FSTL4: variants seen among roughly 807,000 people sequenced by gnomAD.
FSTL4 encodes the protein follistatin-related protein 4.
FSTL4 carries 28 observed loss-of-function variants against 78.2 expected under a neutral mutation model. That is an observed-to-expected ratio of 0.36 (90% confidence interval 0.27 to 0.49). FSTL4 has a LOEUF of 0.49. Ranked by LOEUF, FSTL4 falls within the 20% of genes least tolerant of loss-of-function variation. FSTL4 has a pLI of 0.98. For missense variants in FSTL4, 922 were observed against 1,084.9 expected (o/e 0.85, Z 2.11); for synonymous variants, 422 against 440.5 (o/e 0.96, Z 0.53).
At chr5:133,394,637 C>A (rs1158254559) in intron 4 of FSTL4, among the ~76,000 whole-genome samples, 1 of 152,194 alleles carries the variant, frequency 6.6e-6, no homozygotes, top group African/African-American at 2.4e-5. Flanking sequence ...AGCCTCCCCA[C>A]CACTGTGGGC....
chr5:133,346,577 T>C (rs1754701893), intron 4 of FSTL4, among the ~76,000 whole-genome samples: 1 of 152,184 alleles, frequency 6.6e-6, no homozygotes, highest in African/African-American at 2.4e-5. Context: ...TGTTCTGAAA[T>C]ATCAAGAGGA....
intron 4 of FSTL4, among the ~76,000 whole-genome samples, chr5:133,349,490 T>G (rs187021308): frequency 1.2e-4 from 18 of 152,008 alleles, no homozygotes; most frequent in Non-Finnish European, 2.7e-4. Context: ...TGCTGCCATG[T>G]GACTGTAAAG....
intron 1 of FSTL4, 112 bp from the exon 2 acceptor site, chr5:133,604,105 G>A: frequency 1.4e-6 from 1 of 736,620 alleles, no homozygotes; most frequent in Non-Finnish European, 2.3e-6. Context: ...TTTAAATCCT[G>A]GCACCAAACT....
chr5:133,346,592 C>T (rs1322000417), intron 4 of FSTL4, among the ~76,000 whole-genome samples: 1 of 152,066 alleles, frequency 6.6e-6, no homozygotes, highest in African/African-American at 2.4e-5. Flanking sequence ...AGAGGATACG[C>T]AACTATACAA....
At position 133,494,796 on chromosome 5, in the gene FSTL4, C is replaced by T. The variant is rs906857041; in HGVS notation, c.160+72390G>A. 3.9e-5 allele frequency among the ~76,000 whole-genome samples: 6 copies of T among 152,314 alleles called. No individual in the cohort carries two copies. The East Asian group carries it at 9.6e-4, about 24-fold the overall frequency. The stretch of plus-strand genomic sequence containing the variant: ...TGGCCCGGGTGTGCTGAGGAAACCC[C>T]GCTCCTGAGACTCTCACCTTGAGCA... On this transcript the variant is annotated intron_variant, in intron 3 of 15. Coordinates refer to ENST00000265342, the MANE Select transcript of FSTL4 (RefSeq NM_015082.2).
the FSTL4 span, among the ~76,000 whole-genome samples, chr5:133,835,763 T>A: frequency 6.6e-6 from 1 of 152,204 alleles, no homozygotes; most frequent in South Asian, 2.1e-4. Context: ...GAAAAAAATA[T>A]ATGGGAGAAA....
At chr5:133,739,174 A>G in the FSTL4 span, among the ~76,000 whole-genome samples, 1 of 152,120 alleles carries the variant, frequency 6.6e-6, no homozygotes, top group Non-Finnish European at 1.5e-5. Flanking sequence ...TCTCAATTAC[A>G]CAGAAATACT....
At chr5:133,743,438 A>G in the FSTL4 span, among the ~76,000 whole-genome samples, 7,075 of 152,312 alleles carry the variant, frequency 0.046, 240 homozygotes, top group Non-Finnish European at 0.071. Context: ...CAGGGGCTGA[A>G]CTGCTGGTTC....
intron 4 of FSTL4, among the ~76,000 whole-genome samples, chr5:133,319,517 G>A (rs888015740): frequency 1.3e-5 from 2 of 152,186 alleles, no homozygotes; most frequent in African/African-American, 4.8e-5. Context: ...AGGACTGCGC[G>A]TGCAGGAGCC....
chr5:133,574,692 G>A (rs561736647), intron 2 of FSTL4: 1 of 152,336 alleles, frequency 6.6e-6, no homozygotes, highest in Admixed American at 6.5e-5. Flanking sequence ...TCCACCAATG[G>A]TGGAACAGAT....
intron 3 of FSTL4, among the ~76,000 whole-genome samples, chr5:133,476,441 T>A (rs147346034): frequency 9.8e-5 from 15 of 152,306 alleles, no homozygotes; most frequent in African/African-American, 3.6e-4. Flanking sequence ...GTTATACCAA[T>A]GCTTTCATAG....
chr5:133,640,757 C>G, the FSTL4 span, among the ~76,000 whole-genome samples: 1 of 152,158 alleles, frequency 6.6e-6, no homozygotes, highest in East Asian at 1.9e-4. Flanking sequence ...CATGTATGTA[C>G]AGCCAATATG....
At chr5:133,678,840 T>C in the FSTL4 span, among the ~76,000 whole-genome samples, 2 of 151,850 alleles carry the variant, frequency 1.3e-5, no homozygotes, top group Non-Finnish European at 2.9e-5. Flanking sequence ...AAGTCAGTAT[T>C]TTGAGGCTGG....
the FSTL4 span, among the ~76,000 whole-genome samples, chr5:133,703,801 T>G: frequency 1.3e-5 from 2 of 152,106 alleles, no homozygotes; most frequent in African/African-American, 4.8e-5. Context: ...CAAAGCCTAG[T>G]GAACCTCCAG....
At chr5:133,520,289 A>T (rs1027885397) in intron 3 of FSTL4, among the ~76,000 whole-genome samples, 2 of 151,592 alleles carry the variant, frequency 1.3e-5, no homozygotes, top group Non-Finnish European at 2.9e-5. Flanking sequence ...CCCTGTGCCC[A>T]CTCCTTCCCT....
intron 4 of FSTL4, among the ~76,000 whole-genome samples, chr5:133,353,070 T>G (rs1478038347): frequency 1.3e-5 from 2 of 152,216 alleles, no homozygotes; most frequent in African/African-American, 4.8e-5. Context: ...TTGGTTCTTT[T>G]GGAATTTACC....
intron 4 of FSTL4, among the ~76,000 whole-genome samples, chr5:133,345,773 C>T (rs946615135): frequency 3.3e-5 from 5 of 152,128 alleles, no homozygotes; most frequent in Non-Finnish European, 5.9e-5. Context: ...GAAATAGGAA[C>T]GTTTTTACAC....
rs148290498 is a variant in FSTL4, at chr5:133,255,397, G to A, written c.728-5821C>T. Among the ~76,000 whole-genome samples, 6 of 152,334 alleles carry A rather than the reference G, an allele frequency of 3.9e-5. No individual in the cohort carries two copies. The East Asian group carries it at 1.2e-3, about 29-fold the overall frequency. The stretch of plus-strand genomic sequence containing the variant: ...GGAATCTGAGGAGGGCAAGGGAGTT[G>A]GGGGGTTCTCAAAGCTCAGGGCTTC... On this transcript the variant is annotated intron_variant, in intron 6 of 15. Transcript: ENST00000265342.
intron 3 of FSTL4, among the ~76,000 whole-genome samples, chr5:133,565,723 G>C (rs535089735): frequency 1.4e-4 from 21 of 152,142 alleles, no homozygotes; most frequent in Non-Finnish European, 2.9e-4. Context: ...TCATGCATTT[G>C]AATAGAAATA....
Sources: gnomAD v4.1 joint callset for allele counts (sites outside exome capture counted in the v4.1 genomes callset) on GRCh38, gnomAD v4.1.1 for gene constraint, MANE v1.5 for transcripts, NCBI Gene and HGNC (gene_info 2026-07-23, HGNC 2026-07-21) for gene names.